SMOC2: variants seen among roughly 807,000 people sequenced by gnomAD.
The protein encoded by SMOC2 is SPARC-related modular calcium-binding protein 2.
SMOC2 carries 39 observed loss-of-function variants against 61.4 expected under a neutral mutation model. That is an observed-to-expected ratio of 0.64 (90% confidence interval 0.49 to 0.83). The LOEUF (loss-of-function observed/expected upper bound fraction) is 0.83. Ranked by LOEUF, SMOC2 falls within the 40% of genes least tolerant of loss-of-function variation. The pLI is 0.00. For synonymous variants in SMOC2, 247 were observed against 239.9 expected (o/e 1.03, Z -0.27); for missense variants, 556 against 592.9 (o/e 0.94, Z 0.65).
In SMOC2 at chr6:168,500,771, G is replaced by A. The variant is rs1389923453; in HGVS notation, c.85-9144G>A. 3.3e-5 allele frequency among the ~76,000 whole-genome samples: 5 copies of A among 152,270 alleles called. No homozygotes were observed. The South Asian group carries it at 6.2e-4, about 19-fold the overall frequency. ...TAGAGTCCATGCCCATGCATTCCGT[G>A]TCTACAAGGGTACTGCTTCACAGTG... is the stretch of plus-strand genomic sequence containing the variant. On this transcript the variant is annotated intron_variant, in intron 1 of 12. Transcript: ENST00000356284.
intron 1 of SMOC2, among the ~76,000 whole-genome samples, chr6:168,466,242 G>A (rs1781829819): frequency 6.6e-6 from 1 of 150,986 alleles, no homozygotes; most frequent in African/African-American, 2.4e-5. Context: ...AAACTGGGGT[G>A]CTCTGGATGA....
Position 168,636,689 on chromosome 6 carries a change from C to T in SMOC2, c.908-13992C>T, listed in dbSNP as rs1357342725. Among the ~76,000 whole-genome samples, 3 of 152,214 alleles carry T rather than the reference C, an allele frequency of 2.0e-5. No individual in the cohort carries two copies. In the East Asian group the frequency reaches 5.8e-4, roughly 29 times the overall value. On this transcript the variant is annotated intron_variant, in intron 9 of 12. Coordinates refer to ENST00000356284, the MANE Select transcript of SMOC2 (RefSeq NM_001166412.2). ...TGCAGACAAAGGTATCTCTCTGTCA[C>T]TGTGATCCTGAGATCAGGAATTGGC...
chr6:168,496,222 C>T (rs1279829187), intron 1 of SMOC2, among the ~76,000 whole-genome samples: 1 of 152,128 alleles, frequency 6.6e-6, no homozygotes, highest in Non-Finnish European at 1.5e-5. Flanking sequence ...CTGTTTGTTT[C>T]TTGGGCATTT....
chr6:168,497,353 GGCC>G (rs769824668), intron 1 of SMOC2, among the ~76,000 whole-genome samples: 3 of 152,242 alleles, frequency 2.0e-5, no homozygotes, highest in Non-Finnish European at 4.4e-5. Context: ...CCAAAGGGAC[GGCC>G]TCTGCACCTG....
intron 7 of SMOC2, among the ~76,000 whole-genome samples, chr6:168,551,145 G>A (rs545378861): frequency 2.6e-5 from 4 of 152,238 alleles, no homozygotes; most frequent in African/African-American, 9.6e-5. Flanking sequence ...CCCTTCGCTG[G>A]GCACTTCTCC....
chr6:168,509,004 A>C (rs1440380351), intron 1 of SMOC2, among the ~76,000 whole-genome samples: 1 of 152,068 alleles, frequency 6.6e-6, no homozygotes, highest in African/African-American at 2.4e-5. Context: ...CTTGAGCTTC[A>C]CCTTGGTGTC....
intron 7 of SMOC2, among the ~76,000 whole-genome samples, chr6:168,580,701 C>A (rs1784900449): frequency 1.3e-5 from 2 of 152,186 alleles, no homozygotes; most frequent in South Asian, 4.1e-4. Context: ...ATCACCACAT[C>A]TGGCTGATTT....
chr6:168,461,519 A>G (rs1217746029), intron 1 of SMOC2, among the ~76,000 whole-genome samples: 2 of 152,230 alleles, frequency 1.3e-5, no homozygotes, highest in African/African-American at 4.8e-5. Flanking sequence ...CAGTTGAACC[A>G]AACTAAGGTT....
chr6:168,558,107 G>A (rs778556513), intron 7 of SMOC2, among the ~76,000 whole-genome samples: 5 of 152,318 alleles, frequency 3.3e-5, no homozygotes, highest in East Asian at 1.9e-4. Context: ...CTTCAGAAGC[G>A]ATCTCATGGT....
intron 1 of SMOC2, among the ~76,000 whole-genome samples, chr6:168,500,728 G>A (rs1782708255): frequency 6.6e-6 from 1 of 152,186 alleles, no homozygotes; most frequent in Admixed American, 6.5e-5. Context: ...CCGTCCATGG[G>A]CTCAGGAGCA....
At chr6:168,595,751 A>G (rs1367830109) in intron 7 of SMOC2, among the ~76,000 whole-genome samples, 1 of 152,234 alleles carries the variant, frequency 6.6e-6, no homozygotes, top group African/African-American at 2.4e-5. Context: ...ACTCTGCTCT[A>G]ATATCTTTAA....
At chr6:168,633,787 C>T (rs948353179) in intron 9 of SMOC2, among the ~76,000 whole-genome samples, 1 of 152,118 alleles carries the variant, frequency 6.6e-6, no homozygotes, top group African/African-American at 2.4e-5. Flanking sequence ...GTGGTTATGG[C>T]ACGGTGCTAT....
At chr6:168,587,773 C>G (rs1785076553) in intron 7 of SMOC2, among the ~76,000 whole-genome samples, 1 of 152,276 alleles carries the variant, frequency 6.6e-6, no homozygotes, top group African/African-American at 2.4e-5. Flanking sequence ...CTTTGTAGCC[C>G]TCTTATTCAG....
At chr6:168,579,725 G>T (rs80241835) in intron 7 of SMOC2, among the ~76,000 whole-genome samples, 4,620 of 152,232 alleles carry the variant, frequency 0.03, 263 homozygotes, top group African/African-American at 0.11. Context: ...CTGTGGCCTT[G>T]ATTGTGGTGG....
intron 1 of SMOC2, among the ~76,000 whole-genome samples, chr6:168,468,886 T>G (rs1781905777): frequency 6.6e-6 from 1 of 152,250 alleles, no homozygotes. Context: ...CAGTAATGTC[T>G]TTAAATAGTG....
Position 168,481,708 on chromosome 6 carries a change from A to G in SMOC2, c.85-28207A>G, listed in dbSNP as rs191565529. 3.9e-5 allele frequency among the ~76,000 whole-genome samples: 6 copies of G among 152,152 alleles called. No individual in the cohort carries two copies. In the East Asian group the frequency reaches 1.2e-3, roughly 29 times the overall value. ...TAAATGTAAATAGATTAATCTCTCCAATTAAAAGACAAAGACTGTCAGAAT... is the reference window on the plus strand; with the variant it reads ...TAAATGTAAATAGATTAATCTCTCCGATTAAAAGACAAAGACTGTCAGAAT... On this transcript the variant is annotated intron_variant, in intron 1 of 12. Transcript: ENST00000356284.
At chr6:168,575,612 C>T (rs1001942652) in intron 7 of SMOC2, among the ~76,000 whole-genome samples, 4 of 152,192 alleles carry the variant, frequency 2.6e-5, no homozygotes, top group African/African-American at 9.7e-5. Flanking sequence ...TCTGTCTTTA[C>T]TGTGGGATGC....
intron 1 of SMOC2, among the ~76,000 whole-genome samples, chr6:168,454,011 T>G (rs1781524357): frequency 6.6e-6 from 1 of 152,182 alleles, no homozygotes; most frequent in Non-Finnish European, 1.5e-5. Context: ...TCGATCTCTC[T>G]CTGTCCTTGT....
chr6:168,495,276 C>T (rs767811098), intron 1 of SMOC2, among the ~76,000 whole-genome samples: 1 of 152,032 alleles, frequency 6.6e-6, no homozygotes, highest in Non-Finnish European at 1.5e-5. Context: ...TGCGGGTCCA[C>T]CCCCCTCTAA....
Sources: allele counts gnomAD v4.1 joint callset (sites outside exome capture counted in the v4.1 genomes callset), GRCh38; gene constraint gnomAD v4.1.1; transcripts MANE v1.5; gene names NCBI Gene and HGNC (gene_info 2026-07-23, HGNC 2026-07-21).